COBL: variants seen among roughly 807,000 people sequenced by gnomAD.
COBL encodes the protein cordon-bleu WH2 repeat protein, also known as protein cordon-bleu.
A neutral mutation model predicts 98.8 loss-of-function variants in COBL; 51 were observed. That is an observed-to-expected ratio of 0.52 (90% CI 0.41 to 0.65). The LOEUF is 0.65. Among genes scored for constraint, COBL ranks in the 30% least tolerant of loss-of-function variants. The probability of loss-of-function intolerance (pLI) is 0.00; values close to 1 mark genes in which losing one functional copy is unlikely to be tolerated. For missense variants in COBL, 1,617 were observed against 1,617.5 expected (o/e 1.00, Z 0.01); for synonymous variants, 634 against 651.7 (o/e 0.97, Z 0.41).
intron 6 of COBL, among the ~76,000 whole-genome samples, chr7:51,128,830 A>C (rs1435481360): frequency 6.6e-6 from 1 of 152,216 alleles, no homozygotes; most frequent in Non-Finnish European, 1.5e-5. Flanking sequence ...CAGCAGCAGC[A>C]GCTCTGGTCT....
intron 5 of COBL, among the ~76,000 whole-genome samples, chr7:51,153,088 A>C (rs768112371): frequency 2.6e-5 from 4 of 152,188 alleles, no homozygotes; most frequent in Non-Finnish European, 4.4e-5. Flanking sequence ...CTGGATTCTA[A>C]TTTTGTCCTC....
At chr7:51,295,284 T>C (rs1003269136) in intron 1 of COBL, among the ~76,000 whole-genome samples, 2 of 83,558 alleles carry the variant, frequency 2.4e-5, no homozygotes, top group African/African-American at 1.3e-4. Flanking sequence ...AGACTCTGGC[T>C]CAAAAAAAAA....
intron 6 of COBL, among the ~76,000 whole-genome samples, chr7:51,089,989 T>C (rs1794662929): frequency 6.6e-6 from 1 of 152,244 alleles, no homozygotes; most frequent in Non-Finnish European, 1.5e-5. Context: ...TATTTGGTTT[T>C]GGCAATAACA....
chr7:51,197,072 G>C (rs1220359497), intron 2 of COBL, among the ~76,000 whole-genome samples: 1 of 151,970 alleles, frequency 6.6e-6, no homozygotes, highest in Non-Finnish European at 1.5e-5. Context: ...GCTAGCTTTA[G>C]GGTTGGTTTT....
chr7:51,173,435 A>C (rs1788073122), intron 5 of COBL, among the ~76,000 whole-genome samples: 1 of 152,072 alleles, frequency 6.6e-6, no homozygotes, highest in Non-Finnish European at 1.5e-5. Context: ...TGCCCACCTC[A>C]GCCTCCAAAA....
At chr7:51,232,496 G>A (rs1794842862) in intron 1 of COBL, among the ~76,000 whole-genome samples, 1 of 151,938 alleles carries the variant, frequency 6.6e-6, no homozygotes, top group Non-Finnish European at 1.5e-5. Context: ...CAGCCAGCAG[G>A]GGGATTCTTA....
At chr7:51,146,831 G>T (rs983220803) in intron 5 of COBL, among the ~76,000 whole-genome samples, 1 of 152,204 alleles carries the variant, frequency 6.6e-6, no homozygotes, top group East Asian at 1.9e-4. Flanking sequence ...GGTCAGAGCA[G>T]TCAGGAGGAA....
At chr7:51,130,722 CAAAT>C (rs975714548) in intron 6 of COBL, among the ~76,000 whole-genome samples, 1 of 152,174 alleles carries the variant, frequency 6.6e-6, no homozygotes, top group African/African-American at 2.4e-5. Flanking sequence ...TGATGATGAT[CAAAT>C]GGACACTTCA....
chr7:51,295,725 C>G (rs1317023751), intron 1 of COBL, among the ~76,000 whole-genome samples: 1 of 152,204 alleles, frequency 6.6e-6, no homozygotes, highest in East Asian at 1.9e-4. Flanking sequence ...CAACTGCCAT[C>G]AAAGCCCAAG....
chr7:51,283,929 T>C (rs1227418062), intron 1 of COBL, among the ~76,000 whole-genome samples: 1 of 151,870 alleles, frequency 6.6e-6, no homozygotes, highest in Non-Finnish European at 1.5e-5. Context: ...AAGAAAACTA[T>C]ACACAAATAT....
intron 6 of COBL, among the ~76,000 whole-genome samples, chr7:51,124,799 ATTTTTTTT>A (rs1380874913): frequency 1.3e-5 from 2 of 149,534 alleles, no homozygotes; most frequent in East Asian, 3.9e-4. Context: ...TTTGTTTCCA[ATTTTTTTT>A]CTTTCTTTCT....
At chr7:51,030,005 G>T (rs1173496605) in intron 9 of COBL, among the ~76,000 whole-genome samples, 1 of 152,234 alleles carries the variant, frequency 6.6e-6, no homozygotes, top group East Asian at 1.9e-4. Flanking sequence ...AACTTCTTAA[G>T]GAAGCAGATG....
chr7:51,071,994 T>C (rs539131648), intron 7 of COBL: 95 of 152,270 alleles, frequency 6.2e-4, no homozygotes, highest in African/African-American at 2.0e-3. Flanking sequence ...CACCAATACA[T>C]AGCACTAAAT....
intron 1 of COBL, among the ~76,000 whole-genome samples, chr7:51,271,885 T>TCCCAGCTACTC (rs1798794852): frequency 6.6e-6 from 1 of 152,022 alleles, no homozygotes; most frequent in South Asian, 2.1e-4. Context: ...ACAAAAATTA[T>TCCCAGCTACTC]GGGCATGGTG....
intron 1 of COBL, among the ~76,000 whole-genome samples, chr7:51,308,768 TATGA>T (rs1249250234): frequency 1.3e-5 from 2 of 152,048 alleles, no homozygotes; most frequent in African/African-American, 2.4e-5. Flanking sequence ...TGGTGCCCAC[TATGA>T]ATAAGTGGAA....
chr7:51,253,352 G>T (rs1193635656), intron 1 of COBL, among the ~76,000 whole-genome samples: 6 of 152,046 alleles, frequency 3.9e-5, no homozygotes, highest in Non-Finnish European at 7.4e-5. Flanking sequence ...GATTACTCTT[G>T]CCAGCAGGAG....
At chr7:51,186,681 G>C (rs973505745) in intron 4 of COBL, among the ~76,000 whole-genome samples, 2 of 152,190 alleles carry the variant, frequency 1.3e-5, no homozygotes, top group South Asian at 4.1e-4. Context: ...AGGCACCAGG[G>C]GCCTGTGACT....
chr7:51,175,130 A>G (rs1392051622), intron 5 of COBL, among the ~76,000 whole-genome samples: 1 of 152,226 alleles, frequency 6.6e-6, no homozygotes, highest in Non-Finnish European at 1.5e-5. Context: ...CCTTGCAGGC[A>G]AGTGATTCAG....
intron 5 of COBL, among the ~76,000 whole-genome samples, chr7:51,146,701 A>T (rs1785065231): frequency 6.6e-6 from 1 of 151,922 alleles, no homozygotes; most frequent in South Asian, 2.1e-4. Context: ...AAGCTGGGAG[A>T]GTTAGAAATA....
Sources: allele counts gnomAD v4.1 joint callset (sites outside exome capture counted in the v4.1 genomes callset), GRCh38; gene constraint gnomAD v4.1.1; transcripts MANE v1.5; gene names NCBI Gene and HGNC (gene_info 2026-07-23, HGNC 2026-07-21).